TTC7A: variants seen among roughly 807,000 people sequenced by gnomAD.
TTC7A encodes the protein tetratricopeptide repeat protein 7A.
In TTC7A, 110 loss-of-function variants were observed where a neutral mutation model predicts 103.7. That is an observed-to-expected ratio of 1.06 (90% confidence interval 0.91 to 1.24). The LOEUF (loss-of-function observed/expected upper bound fraction) is 1.24. TTC7A is among the 50% of genes most tolerant of loss of function. The pLI is 0.00. For synonymous variants in TTC7A, 521 were observed against 467.9 expected (o/e 1.11, Z -1.47); for missense variants, 1,340 against 1,116.3 (o/e 1.20, Z -2.86).
At position 47,072,119 on chromosome 2, in the gene TTC7A, C is replaced by G. The variant is rs886952929; in HGVS notation, c.2356-1583C>G. Among the ~76,000 whole-genome samples, 6 of 152,316 alleles carry G rather than the reference C, an allele frequency of 3.9e-5. 1 individual carries two copies. Among genetic ancestry groups the G allele is most frequent in the Admixed American group, 1.3e-4 (2 of 15,306 alleles). ...GCCCTTGGGTCTGGTGTGGGTGGAA[C>G]AGCTAGGCCTGGTGCCCTGCTGGCC... On this transcript the variant is annotated intron_variant, in intron 19 of 19. Transcript: ENST00000319190.
At chr2:46,923,246 T>C (rs1669198399) in intron 2 of TTC7A, among the ~76,000 whole-genome samples, 1 of 152,220 alleles carries the variant, frequency 6.6e-6, no homozygotes, top group Non-Finnish European at 1.5e-5. Context: ...CATTAGTCAT[T>C]GGTGATCAAC....
intron 18 of TTC7A, among the ~76,000 whole-genome samples, chr2:47,055,655 A>T (rs1336608169): frequency 6.6e-6 from 1 of 151,996 alleles, no homozygotes; most frequent in Non-Finnish European, 1.5e-5. Context: ...GAGTGCCCCT[A>T]CCCTGGAGGT....
chr2:46,991,929 C>T (rs996224875), intron 5 of TTC7A, among the ~76,000 whole-genome samples: 10 of 152,160 alleles, frequency 6.6e-5, no homozygotes, highest in Non-Finnish European at 1.0e-4. Flanking sequence ...ATCTTGCTTG[C>T]GTGTCCTGAG....
intron 15 of TTC7A, among the ~76,000 whole-genome samples, chr2:47,045,198 C>T (rs931782655): frequency 1.7e-4 from 26 of 152,224 alleles, no homozygotes; most frequent in African/African-American, 6.3e-4. Context: ...GCAGGCTGCC[C>T]AGGCAGCTGG....
chr2:46,976,385 A>G (rs1220608862), intron 4 of TTC7A, among the ~76,000 whole-genome samples: 3 of 152,264 alleles, frequency 2.0e-5, no homozygotes, highest in Non-Finnish European at 4.4e-5. Context: ...ATGCTCAGGT[A>G]TTCTGTGGAA....
intron 15 of TTC7A, among the ~76,000 whole-genome samples, chr2:47,042,176 ATACTT>A (rs893446636): frequency 1.3e-5 from 2 of 152,158 alleles, no homozygotes; most frequent in Non-Finnish European, 2.9e-5. Flanking sequence ...TTCTTTATAG[ATACTT>A]TTACTAATGT....
chr2:47,014,998 C>CT (rs1678486822), intron 11 of TTC7A, among the ~76,000 whole-genome samples: 1 of 152,250 alleles, frequency 6.6e-6, no homozygotes, highest in Non-Finnish European at 1.5e-5. Context: ...TGGTCACGTG[C>CT]TGGCTGGCTG....
intron 15 of TTC7A, among the ~76,000 whole-genome samples, chr2:47,043,632 C>T (rs962488777): frequency 1.3e-5 from 2 of 152,112 alleles, no homozygotes; most frequent in Non-Finnish European, 2.9e-5. Context: ...GAAGAAAATC[C>T]CTCTGGCAGC....
rs1679514263 is a variant in TTC7A at position 47,023,443 on chromosome 2, A to G, written c.1546A>G (p.Lys516Glu). 2 of 1,614,114 alleles carry G rather than the reference A, an allele frequency of 1.2e-6. No homozygotes were observed. Among genetic ancestry groups the G allele is most frequent in the Non-Finnish European group, 1.7e-6 (2 of 1,180,008 alleles). ...GTCCAAGCAAGATGAATTGCACCGG[A>G]AGGCACTGCAGACGCTGGAGAGGTG... ...LKSKQDELHR[K>E]ALQTLERAQQ... Residue 516 changes from lysine (K) to glutamate (E), a missense_variant, in exon 13 of 20, where the codon AAG (lysine) becomes GAG (glutamate). Transcript: ENST00000319190.
At chr2:47,003,376 T>A (rs1385350414) in intron 8 of TTC7A, among the ~76,000 whole-genome samples, 1 of 151,994 alleles carries the variant, frequency 6.6e-6, no homozygotes, top group Admixed American at 6.6e-5. Context: ...TGGTCCTGAA[T>A]GGGGTTGTGA....
chr2:46,937,431 T>G (rs1319885759), upstream of TTC7A, among the ~76,000 whole-genome samples: 1 of 152,222 alleles, frequency 6.6e-6, no homozygotes, highest in Non-Finnish European at 1.5e-5. This position sits in a 1 kb window ranked among gnomAD's most constrained non-coding sequence, Gnocchi z 4.0. Context: ...TTTTCATTTT[T>G]AGCTGAAAGC....
Position 47,047,351 on chromosome 2 carries a change from G to A in TTC7A, c.1919+920G>A, listed in dbSNP as rs552519372. 3.8e-5 allele frequency: 58 copies of A among 1,527,654 alleles called. 2 individuals are homozygous for A. The South Asian group carries it at 6.4e-4, about 17-fold the overall frequency. The allele number at this position is 1,527,654 out of a possible 1,614,324, so 94.6% of individuals were successfully genotyped here. A position where few individuals can be genotyped will look rare whatever the true frequency, so the allele number is the denominator to read the frequency against. ...TTACAGAGGAGGGTAATCAGACAGA[G>A]TAAAACACCTTGGGCAAAGTCAGCC... On this transcript the variant is annotated intron_variant, in intron 16 of 19. Coordinates refer to ENST00000319190, the MANE Select transcript of TTC7A (RefSeq NM_020458.4).
chr2:46,999,401 G>A, intron 8 of TTC7A: 2 of 724,414 alleles, frequency 2.8e-6, no homozygotes, highest in Non-Finnish European at 3.4e-6. Context: ...CATCCATCCA[G>A]CCACCTACCA....
At chr2:46,938,566 C>T (rs58589709), upstream of TTC7A, among the ~76,000 whole-genome samples, 11,137 of 152,122 alleles carry the variant, frequency 0.073, 767 homozygotes, top group African/African-American at 0.17. Context: ...TCCTTCTAGT[C>T]CCTGAGGCCC....
chr2:46,978,771 T>A (rs925435547), intron 4 of TTC7A, 21 bp from the exon 5 acceptor site: 2 of 1,603,664 alleles, frequency 1.2e-6, no homozygotes, highest in Non-Finnish European at 1.7e-6. Flanking sequence ...ACAATGGCTC[T>A]CTCTCTGTTT....
At chr2:47,013,524 C>T (rs904020655) in intron 11 of TTC7A, among the ~76,000 whole-genome samples, 5 of 152,202 alleles carry the variant, frequency 3.3e-5, no homozygotes, top group South Asian at 2.1e-4. Flanking sequence ...GGGGGTGTAG[C>T]GGGGGAGGGC....
At chr2:46,998,213 G>A (rs1572859395) in intron 8 of TTC7A, among the ~76,000 whole-genome samples, 1 of 152,262 alleles carries the variant, frequency 6.6e-6, no homozygotes, top group South Asian at 2.1e-4. Context: ...CGCACACCCA[G>A]CCTGTTAGAC....
intron 19 of TTC7A, among the ~76,000 whole-genome samples, chr2:47,065,184 A>G (rs1450329370): frequency 6.6e-6 from 1 of 152,168 alleles, no homozygotes; most frequent in Non-Finnish European, 1.5e-5. Context: ...CTACTCGGGA[A>G]TCTGAGGCAG....
At position 47,065,444 on chromosome 2, in the gene TTC7A, A is replaced by G. The variant is rs114971923; in HGVS notation, c.2355+4473A>G. Among the ~76,000 whole-genome samples, 784 of 152,348 alleles carry G rather than the reference A, an allele frequency of 5.1e-3. 3 individuals carry two copies. The highest frequency in any genetic ancestry group is 8.0e-3 in the Non-Finnish European group (542 of 68,036). On this transcript the variant is annotated intron_variant, in intron 19 of 19. Transcript: ENST00000319190. ...GACAAATCAATGGGAAACTAATGGT[A>G]GACAAAGGCCAGTTAGCAGCGCTTG...
Sources: allele counts gnomAD v4.1 joint callset (sites outside exome capture counted in the v4.1 genomes callset), GRCh38; gene constraint gnomAD v4.1.1; non-coding constraint Gnocchi (gnomAD v3.1); transcripts MANE v1.5; gene names NCBI Gene and HGNC (gene_info 2026-07-23, HGNC 2026-07-21).